The following MALRD1 variants were observed in gnomAD, a reference collection of about 807,000 sequenced individuals.
MALRD1 encodes the protein MAM and LDL-receptor class A domain-containing protein 1.
A neutral mutation model predicts 242.1 loss-of-function variants in MALRD1; 247 were observed. The ratio of observed to expected loss-of-function variants is 1.02; its 90% CI spans 0.92 to 1.13. The LOEUF is 1.13. Ranked by LOEUF, MALRD1 falls within the 50% of genes most tolerant of loss-of-function variation. The pLI is 0.00. For missense variants in MALRD1, 2,989 were observed against 2,533.1 expected, an observed-to-expected ratio of 1.18 and a Z score of -3.86; for synonymous variants, 995 against 866.6, an observed-to-expected ratio of 1.15 and a Z score of -2.60.
chr10:19,460,732 A>G (rs1193036581), intron 29 of MALRD1, among the ~76,000 whole-genome samples: 2 of 152,304 alleles, frequency 1.3e-5, no homozygotes, highest in Admixed American at 6.5e-5. Flanking sequence ...TGAGGTAAAC[A>G]TAGTATAAAA....
chr10:19,322,081 T>G (rs1842933877), intron 21 of MALRD1, among the ~76,000 whole-genome samples: 1 of 152,128 alleles, frequency 6.6e-6, no homozygotes, highest in Non-Finnish European at 1.5e-5. Context: ...TGTAGCACAT[T>G]GAAATAATTT....
intron 26 of MALRD1, among the ~76,000 whole-genome samples, chr10:19,362,398 A>G (rs1457575793): frequency 6.6e-6 from 1 of 152,124 alleles, no homozygotes; most frequent in African/African-American, 2.4e-5. Flanking sequence ...ACTCCCTCCA[A>G]ATCTAATCAG....
At chr10:19,522,555 T>G (rs1241715043) in intron 31 of MALRD1, among the ~76,000 whole-genome samples, 1 of 152,174 alleles carries the variant, frequency 6.6e-6, no homozygotes, top group African/African-American at 2.4e-5. Context: ...TCAGTGGTAG[T>G]ACCCCATTAG....
intron 18 of MALRD1, among the ~76,000 whole-genome samples, chr10:19,242,612 A>G (rs1056285054): frequency 6.6e-6 from 1 of 152,140 alleles, no homozygotes; most frequent in Non-Finnish European, 1.5e-5. Flanking sequence ...TTGGGTACGT[A>G]TATAGTTACA....
chr10:19,221,095 T>C (rs990665391), intron 18 of MALRD1, among the ~76,000 whole-genome samples: 3 of 152,172 alleles, frequency 2.0e-5, no homozygotes, highest in African/African-American at 7.2e-5. Flanking sequence ...GAGGATTTTG[T>C]AGTGAAAGAG....
chr10:19,284,700 C>T (rs1212654130), intron 21 of MALRD1, among the ~76,000 whole-genome samples: 19 of 110,010 alleles, frequency 1.7e-4, no homozygotes, highest in African/African-American at 4.0e-4. Flanking sequence ...TGAATAATGC[C>T]GCAATAAACA....
rs11443184 is a variant in MALRD1, at chr10:19,176,366, CT to C, written c.1951+1057del. The stretch of plus-strand genomic sequence containing the variant: ...TCGAGAGAGTGTATATTTCTGGGTG[CT>C]TTTTTTTTTTTTTTTTTTGAGACGG... On this transcript the variant is annotated intron_variant, in intron 14 of 39. Transcript: ENST00000454679. 1.3e-3 allele frequency among the ~76,000 whole-genome samples: 117 copies of C among 87,300 alleles called. 3 individuals are homozygous for C. The highest frequency in any genetic ancestry group is 6.8e-3 in the Middle Eastern group (1 of 148). 57.3% of individuals were successfully genotyped at this position (87,300 alleles called of 152,430 possible).
intron 14 of MALRD1, among the ~76,000 whole-genome samples, chr10:19,188,764 G>A (rs1235253272): frequency 6.6e-5 from 10 of 152,186 alleles, no homozygotes; most frequent in Non-Finnish European, 1.2e-4. Context: ...CTGTTGGCCA[G>A]TGTCAGAAAT....
intron 2 of MALRD1, among the ~76,000 whole-genome samples, chr10:19,068,765 T>C (rs1213712525): frequency 2.6e-5 from 4 of 152,138 alleles, no homozygotes; most frequent in Non-Finnish European, 5.9e-5. Flanking sequence ...ATTTCATAAG[T>C]ATTAACCAAA....
At chr10:19,115,230 A>G (rs1192831242) in intron 5 of MALRD1, among the ~76,000 whole-genome samples, 1 of 151,962 alleles carries the variant, frequency 6.6e-6, no homozygotes, top group African/African-American at 2.4e-5. Flanking sequence ...CTTACCCACA[A>G]TTCACTCCTC....
intron 24 of MALRD1, among the ~76,000 whole-genome samples, chr10:19,339,872 T>G (rs887294570): frequency 6.6e-6 from 1 of 152,164 alleles, no homozygotes; most frequent in Non-Finnish European, 1.5e-5. Flanking sequence ...GACTTACAGT[T>G]CCACATGGCT....
chr10:19,237,573 TA>T (rs1263207020), intron 18 of MALRD1, among the ~76,000 whole-genome samples: 10,695 of 38,676 alleles, frequency 0.28, 578 homozygotes, highest in Non-Finnish European at 0.3. Flanking sequence ...TAAAATTATA[TA>T]TAATTATAAT....
intron 1 of MALRD1, among the ~76,000 whole-genome samples, chr10:19,050,543 A>G (rs761617832): frequency 1.7e-4 from 26 of 152,208 alleles, no homozygotes; most frequent in Non-Finnish European, 3.5e-4. Flanking sequence ...TGATTACTGA[A>G]GAACTTTTTT....
At chr10:19,106,618 A>G (rs1163095092) in intron 5 of MALRD1, among the ~76,000 whole-genome samples, 2 of 151,292 alleles carry the variant, frequency 1.3e-5, no homozygotes, top group Non-Finnish European at 3.0e-5. Context: ...TGCTTTGTTT[A>G]GTTTCTATTT....
At chr10:19,182,449 C>T (rs1000925748) in intron 14 of MALRD1, among the ~76,000 whole-genome samples, 4 of 150,954 alleles carry the variant, frequency 2.6e-5, no homozygotes, top group Non-Finnish European at 3.0e-5. Context: ...CTCAGCCTCC[C>T]GAGTATCTGG....
chr10:19,224,345 G>A (rs1724340290), intron 18 of MALRD1, among the ~76,000 whole-genome samples: 1 of 149,564 alleles, frequency 6.7e-6, no homozygotes, highest in African/African-American at 2.5e-5. Flanking sequence ...GGAGTGCAGT[G>A]GCACAATTTC....
chr10:19,501,429 A>G (rs1837965720), intron 31 of MALRD1, among the ~76,000 whole-genome samples: 2 of 152,186 alleles, frequency 1.3e-5, no homozygotes, highest in Admixed American at 1.3e-4. Flanking sequence ...TGTAAAATCC[A>G]CAATGTGCAA....
chr10:19,707,391 G>A (rs1298190376), intron 38 of MALRD1, among the ~76,000 whole-genome samples: 1 of 152,182 alleles, frequency 6.6e-6, no homozygotes, highest in East Asian at 1.9e-4. Flanking sequence ...AAGTATGTCA[G>A]CTGGTTCCTG....
intron 12 of MALRD1, among the ~76,000 whole-genome samples, chr10:19,165,265 A>ATATATATATATATATATATATATATTTTT: frequency 1.5e-5 from 2 of 130,286 alleles, no homozygotes; most frequent in African/African-American, 6.5e-5. Flanking sequence ...ATATATATAT[A>ATATATATATATATATATATATATATTTTT]TTTTGTTTTG....
Sources: allele counts gnomAD v4.1 joint callset (sites outside exome capture counted in the v4.1 genomes callset), GRCh38; gene constraint gnomAD v4.1.1; transcripts MANE v1.5; gene names NCBI Gene and HGNC (gene_info 2026-07-23, HGNC 2026-07-21).